The following SLC16A10 variants were observed in gnomAD, a reference collection of about 807,000 sequenced individuals.
SLC16A10 encodes the protein solute carrier family 16 member 10.
SLC16A10 carries 27 observed loss-of-function variants against 40.0 expected under a neutral mutation model. The ratio of observed to expected loss-of-function variants is 0.67; its 90% CI spans 0.50 to 0.93. The LOEUF (loss-of-function observed/expected upper bound fraction) is 0.93. Ranked by LOEUF, SLC16A10 falls within the 40% of genes least tolerant of loss-of-function variation. SLC16A10 has a pLI of 0.00. For synonymous variants in SLC16A10, 213 were observed against 249.8 expected, an observed-to-expected ratio of 0.85 and a Z score of 1.39; for missense variants, 529 against 658.2, an observed-to-expected ratio of 0.80 and a Z score of 2.15.
chr6:111,145,619 C>G (rs971290486), intron 1 of SLC16A10, among the ~76,000 whole-genome samples: 1 of 151,972 alleles, frequency 6.6e-6, no homozygotes, highest in Non-Finnish European at 1.5e-5. Flanking sequence ...TAAGCTGAGA[C>G]AAGAAGATTA....
intron 1 of SLC16A10, among the ~76,000 whole-genome samples, chr6:111,125,095 A>C (rs556678628): frequency 6.6e-6 from 1 of 152,340 alleles, no homozygotes; most frequent in South Asian, 2.1e-4. Context: ...TTTACTAATA[A>C]AATTTATTTA....
At position 111,142,432 on chromosome 6, in the gene SLC16A10, T is replaced by C. The variant is rs563044934; in HGVS notation, c.344-30263T>C. ...CAAATTTCTGCTCTGTGAAAGACAA[T>C]GTCAAGAGAATGAGAAGACTTGGAA... On this transcript the variant is annotated intron_variant, in intron 1 of 5. Coordinates refer to ENST00000368851, the MANE Select transcript of SLC16A10 (RefSeq NM_018593.5). Among the ~76,000 whole-genome samples the C allele has an allele frequency of 1.4e-4, 22 of 152,272 alleles. 1 individual carries two copies. The highest frequency in any genetic ancestry group is 5.3e-4 in the African/African-American group (22 of 41,556).
Position 111,094,960 on chromosome 6 carries a change from A to G in SLC16A10, c.343+6865A>G, listed in dbSNP as rs554496526. Among the ~76,000 whole-genome samples, 7 of 152,346 alleles carry G rather than the reference A, an allele frequency of 4.6e-5. No homozygotes were observed. The East Asian group carries it at 1.2e-3, about 25-fold the overall frequency. On this transcript the variant is annotated intron_variant, in intron 1 of 5. Coordinates refer to ENST00000368851, the MANE Select transcript of SLC16A10 (RefSeq NM_018593.5). ...CTGGCCACCTTCATTACTATTGGCA[A>G]CAATTAGTCATAACCCCTTAACAGG...
intron 3 of SLC16A10, among the ~76,000 whole-genome samples, chr6:111,182,148 G>A (rs1175433999): frequency 6.6e-6 from 1 of 151,650 alleles, no homozygotes; most frequent in African/African-American, 2.4e-5. Flanking sequence ...ACAGGCGCCT[G>A]CCACCACACC....
intron 4 of SLC16A10, among the ~76,000 whole-genome samples, chr6:111,208,824 A>G (rs1294033620): frequency 6.6e-6 from 1 of 152,190 alleles, no homozygotes; most frequent in Non-Finnish European, 1.5e-5. Context: ...AAAATGTTAT[A>G]AAATTAGATA....
At chr6:111,126,407 A>G (rs1196273216) in intron 1 of SLC16A10, among the ~76,000 whole-genome samples, 1 of 152,106 alleles carries the variant, frequency 6.6e-6, no homozygotes, top group Admixed American at 6.5e-5. Flanking sequence ...CTTATAGTTC[A>G]TGCTTGTACA....
At chr6:111,169,307 C>G (rs1772539614) in intron 1 of SLC16A10, among the ~76,000 whole-genome samples, 1 of 152,218 alleles carries the variant, frequency 6.6e-6, no homozygotes, top group Admixed American at 6.5e-5. Context: ...TTTTGAATGA[C>G]AGCCAAAAAG....
intron 1 of SLC16A10, among the ~76,000 whole-genome samples, chr6:111,162,943 A>G (rs537802266): frequency 6.6e-4 from 101 of 151,960 alleles, no homozygotes; most frequent in African/African-American, 2.2e-3. Flanking sequence ...CTCTATTCCA[A>G]TGTCACAATC....
Position 111,225,020 on chromosome 6 carries a change from G to C in SLC16A10, c.*2785G>C, listed in dbSNP as rs757940921. 1 of 152,178 alleles carries C rather than the reference G, an allele frequency of 6.6e-6. No homozygotes were observed. The highest frequency in any genetic ancestry group is 2.4e-5 in the African/African-American group (1 of 41,440). The allele number at this position is 152,178 out of a possible 1,614,324, so 9.4% of individuals were successfully genotyped here. A position where few individuals can be genotyped will look rare whatever the true frequency, so the allele number is the denominator to read the frequency against. On this transcript the variant is annotated 3_prime_UTR_variant, in exon 6 of 6. Transcript: ENST00000368851. Reference sequence around the variant, plus strand: ...AAAGGGAGTAACATTCCTTTTTATAGATACTCTAGATTGGATACTATTGTA... The same window carrying C: ...AAAGGGAGTAACATTCCTTTTTATACATACTCTAGATTGGATACTATTGTA...
intron 1 of SLC16A10, among the ~76,000 whole-genome samples, chr6:111,102,678 G>A (rs1217366065): frequency 6.6e-6 from 1 of 151,932 alleles, no homozygotes; most frequent in African/African-American, 2.4e-5. Context: ...TCTTAGGGCG[G>A]GGGATAGGAA....
chr6:111,103,051 G>A (rs56973863), intron 1 of SLC16A10, among the ~76,000 whole-genome samples: 1 of 151,862 alleles, frequency 6.6e-6, no homozygotes, highest in Non-Finnish European at 1.5e-5. Context: ...GACTACAAGT[G>A]CATGTCACCA....
At chr6:111,184,326 G>A (rs984333643) in intron 3 of SLC16A10, among the ~76,000 whole-genome samples, 1 of 152,130 alleles carries the variant, frequency 6.6e-6, no homozygotes, top group African/African-American at 2.4e-5. Flanking sequence ...TTATAAGTGG[G>A]TTGACTTTGT....
At chr6:111,193,093 TCCTCCCACATGG>T (rs1773023556) in intron 3 of SLC16A10, among the ~76,000 whole-genome samples, 1 of 152,152 alleles carries the variant, frequency 6.6e-6, no homozygotes, top group Non-Finnish European at 1.5e-5. Context: ...GCATGAGCCA[TCCTCCCACATGG>T]CCTCCCAAAG....
Position 111,103,581 on chromosome 6 carries a change from A to G in SLC16A10, c.343+15486A>G, listed in dbSNP as rs1562398156. On this transcript the variant is annotated intron_variant, in intron 1 of 5. Transcript: ENST00000368851. ...GCCACGCAAGAAACAAATTCGACTT[A>G]TTCCATGCTCTTGAGAGGTCATGAG... Among the ~76,000 whole-genome samples the G allele has an allele frequency of 2.6e-5, 4 of 152,220 alleles. No homozygotes were observed. In the South Asian group the frequency reaches 8.3e-4, roughly 32 times the overall value.
At chr6:111,127,693 C>G (rs1225118832) in intron 1 of SLC16A10, among the ~76,000 whole-genome samples, 1 of 152,136 alleles carries the variant, frequency 6.6e-6, no homozygotes, top group Non-Finnish European at 1.5e-5. Flanking sequence ...TGATATTTAT[C>G]ACGTATTTTT....
At chr6:111,213,481 C>G (rs1376606858) in intron 4 of SLC16A10, among the ~76,000 whole-genome samples, 1 of 152,234 alleles carries the variant, frequency 6.6e-6, no homozygotes, top group African/African-American at 2.4e-5. Context: ...TGAATTGGAT[C>G]AGTGTTGCTC....
intron 2 of SLC16A10, among the ~76,000 whole-genome samples, chr6:111,174,911 CTT>C (rs1772650967): frequency 6.6e-6 from 1 of 152,218 alleles, no homozygotes; most frequent in African/African-American, 2.4e-5. Context: ...TTCTGTCTCT[CTT>C]TCTCTACCCT....
chr6:111,105,266 T>C (rs1771263323), intron 1 of SLC16A10, among the ~76,000 whole-genome samples: 1 of 152,176 alleles, frequency 6.6e-6, no homozygotes, highest in Admixed American at 6.6e-5. Context: ...GATGATGTTA[T>C]CTTATATATT....
At chr6:111,138,967 A>G (rs937388384) in intron 1 of SLC16A10, among the ~76,000 whole-genome samples, 11 of 152,292 alleles carry the variant, frequency 7.2e-5, no homozygotes, top group African/African-American at 2.6e-4. Context: ...CATTTCACCC[A>G]TACTTTACAC....
Sources: gnomAD v4.1 joint callset for allele counts (sites outside exome capture counted in the v4.1 genomes callset) on GRCh38, gnomAD v4.1.1 for gene constraint, MANE v1.5 for transcripts, NCBI Gene and HGNC (gene_info 2026-07-23, HGNC 2026-07-21) for gene names.